Variants in PDE7A observed in about 807,000 individuals in gnomAD.
PDE7A encodes the protein phosphodiesterase 7A.
Under a neutral mutation model 64.3 loss-of-function variants are expected in PDE7A, and 39 were observed. The ratio of observed to expected loss-of-function variants is 0.61; its 90% CI spans 0.47 to 0.79. The LOEUF (loss-of-function observed/expected upper bound fraction) is 0.79, where lower values mean the gene tolerates loss of function less well. Among genes scored for constraint, PDE7A ranks in the 30% least tolerant of loss-of-function variants. The pLI, the probability that PDE7A is intolerant of heterozygous loss-of-function variation, is 0.00. For missense variants in PDE7A, 470 were observed against 582.8 expected (o/e 0.81, Z 1.99); for synonymous variants, 203 against 206.8 (o/e 0.98, Z 0.16).
At chr8:65,783,358 G>T (rs932938594) in intron 1 of PDE7A, among the ~76,000 whole-genome samples, 47 of 152,176 alleles carry the variant, frequency 3.1e-4, no homozygotes, top group African/African-American at 9.6e-4. Context: ...AGTCATCTGT[G>T]ACCTGCCTGC....
chr8:65,765,513 A>G (rs2128917179), intron 3 of PDE7A: 1 of 151,206 alleles, frequency 6.6e-6, no homozygotes, highest in East Asian at 1.9e-4. Flanking sequence ...AAAAAAAAAA[A>G]AAAAAAAGAT....
rs866603828 is a variant in PDE7A at position 65,805,954 on chromosome 8, G to A, written c.139-23111C>T. Among the ~76,000 whole-genome samples, 13 of 152,262 alleles carry A rather than the reference G, an allele frequency of 8.5e-5. No individual in the cohort carries two copies. In the Middle Eastern group the frequency reaches 0.01, roughly 120 times the overall value. On this transcript the variant is annotated intron_variant, in intron 1 of 12. Transcript: ENST00000401827. ...CAAAAATTGGTGCAAACTTCTGGAA[G>A]GTAATTTGGCCATGTTTATCAAAGA...
chr8:65,727,106 T>A, intron 8 of PDE7A, 64 bp downstream of exon 8: 1 of 1,143,026 alleles, frequency 8.7e-7, no homozygotes, highest in Non-Finnish European at 1.3e-6. Context: ...TTTCATTTCT[T>A]CAAAATATGA....
intron 5 of PDE7A, among the ~76,000 whole-genome samples, chr8:65,741,430 T>C (rs1388687051): frequency 1.3e-5 from 2 of 152,218 alleles, no homozygotes; most frequent in Non-Finnish European, 2.9e-5. Context: ...TAAAACTGCC[T>C]AACCAACTGC....
In PDE7A at chr8:65,765,217, C is replaced by T. The variant is rs185621612; in HGVS notation, c.283+14503G>A. Among the ~76,000 whole-genome samples, 1,126 of 152,082 alleles carry T rather than the reference C, an allele frequency of 7.4e-3. 7 individuals carry two copies. The highest frequency in any genetic ancestry group is 0.025 in the African/African-American group (1,018 of 41,478). ...CTCAAGATAATGGGCGAGCCGGGCG[C>T]GGTGGCTCACGCCTGTAATCCCAGC... is the stretch of plus-strand genomic sequence containing the variant. On this transcript the variant is annotated intron_variant, in intron 3 of 12. Transcript: ENST00000401827.
At chr8:65,738,640 C>T (rs148789952) in intron 6 of PDE7A, among the ~76,000 whole-genome samples, 23 of 152,128 alleles carry the variant, frequency 1.5e-4, no homozygotes, top group African/African-American at 5.3e-4. Context: ...GCCATGTTGG[C>T]CAAGCTGGTC....
At position 65,723,564 on chromosome 8, in the gene PDE7A, T is replaced by G. The variant is rs748816014; in HGVS notation, c.1220A>C (p.Glu407Ala). Residue 407 changes from glutamate to alanine, a missense_variant, in exon 12 of 13, where the codon GAA (glutamate) becomes GCA (alanine). By Grantham distance (107) the Glu-to-Ala change is moderately radical. Transcript: ENST00000401827. ...GVSPLCDRHTESIANIQIGFM... is the reference protein window; with the variant it reads ...GVSPLCDRHTASIANIQIGFM... Reference sequence around the variant, plus strand: ...ACCAATCTGGATGTTGGCAATAGATTCAGTGTGACGATCGCAAAGTGGACT... The same window carrying G: ...ACCAATCTGGATGTTGGCAATAGATGCAGTGTGACGATCGCAAAGTGGACT... 1 of 1,583,248 alleles carries G rather than the reference T, an allele frequency of 6.3e-7. No homozygotes were observed. The highest frequency in any genetic ancestry group is 2.3e-5 in the East Asian group (1 of 43,476).
intron 6 of PDE7A, among the ~76,000 whole-genome samples, chr8:65,738,066 A>G (rs1056882983): frequency 6.6e-6 from 1 of 152,222 alleles, no homozygotes; most frequent in Non-Finnish European, 1.5e-5. Context: ...ATTGCAATAT[A>G]GCAAGTCAAA....
intron 7 of PDE7A, chr8:65,728,512 C>T (rs767743645): frequency 1.3e-4 from 20 of 152,104 alleles, no homozygotes; most frequent in Non-Finnish European, 2.2e-4. Context: ...AATTAGTACA[C>T]GGAGAAGGTC....
intron 3 of PDE7A, among the ~76,000 whole-genome samples, chr8:65,776,958 C>T (rs545338200): frequency 6.6e-6 from 1 of 152,092 alleles, no homozygotes; most frequent in South Asian, 2.1e-4. Context: ...TAATATTGCG[C>T]ATTAAATATG....
At chr8:65,722,138 C>T (rs939684250) in intron 12 of PDE7A, 1 of 152,184 alleles carries the variant, frequency 6.6e-6, no homozygotes, top group African/African-American at 2.4e-5. Context: ...GATTATTCTA[C>T]TTGAGAATCA....
intron 3 of PDE7A, among the ~76,000 whole-genome samples, chr8:65,755,862 A>T (rs1808214797): frequency 6.6e-6 from 1 of 152,118 alleles, no homozygotes; most frequent in Non-Finnish European, 1.5e-5. Context: ...AGCTCAAGAG[A>T]TCTTCTTGCC....
chr8:65,780,547 CTT>C (rs1809385591), intron 2 of PDE7A, among the ~76,000 whole-genome samples: 1 of 152,166 alleles, frequency 6.6e-6, no homozygotes, highest in Admixed American at 6.5e-5. Flanking sequence ...TCTAGACACT[CTT>C]TTTCGTGTTT....
chr8:65,730,946 AAACAT>A (rs1446564436), intron 7 of PDE7A, among the ~76,000 whole-genome samples: 1 of 152,186 alleles, frequency 6.6e-6, no homozygotes, highest in Non-Finnish European at 1.5e-5. Flanking sequence ...AACAAAATAA[AAACAT>A]AAAAACAGAG....
At chr8:65,756,472 T>A (rs1440941808) in intron 3 of PDE7A, among the ~76,000 whole-genome samples, 1 of 152,170 alleles carries the variant, frequency 6.6e-6, no homozygotes, top group Non-Finnish European at 1.5e-5. Flanking sequence ...ATGGACAGTT[T>A]GAATTATCTT....
At chr8:65,804,841 GTTTTC>G (rs1016593162) in intron 1 of PDE7A, among the ~76,000 whole-genome samples, 9 of 137,348 alleles carry the variant, frequency 6.6e-5, no homozygotes, top group Non-Finnish European at 1.2e-4. Context: ...GCCCAGCCAA[GTTTTC>G]TTTTATTTTG....
At chr8:65,768,873 C>T (rs2128919209) in intron 3 of PDE7A, among the ~76,000 whole-genome samples, 1 of 152,176 alleles carries the variant, frequency 6.6e-6, no homozygotes, top group Middle Eastern at 3.4e-3. Flanking sequence ...ACAAAAAGGT[C>T]AAGAATGCAT....
At chr8:65,803,433 G>A (rs545815888) in intron 1 of PDE7A, among the ~76,000 whole-genome samples, 65 of 152,284 alleles carry the variant, frequency 4.3e-4, no homozygotes, top group African/African-American at 1.5e-3. Flanking sequence ...GGTACTCAAC[G>A]TAATAGTCAA....
At chr8:65,827,147 A>C (rs1055925486) in intron 1 of PDE7A, among the ~76,000 whole-genome samples, 1 of 152,210 alleles carries the variant, frequency 6.6e-6, no homozygotes, top group African/African-American at 2.4e-5. Flanking sequence ...ACACCATTAA[A>C]CACCACAATG....
Sources: gnomAD v4.1 joint callset for allele counts (sites outside exome capture counted in the v4.1 genomes callset) on GRCh38, gnomAD v4.1.1 for gene constraint, MANE v1.5 for transcripts, NCBI Gene and HGNC (gene_info 2026-07-23, HGNC 2026-07-21) for gene names.